RIC1: variants seen among roughly 807,000 people sequenced by gnomAD.
RIC1 encodes the protein guanine nucleotide exchange factor subunit RIC1.
Under a neutral mutation model 169.0 loss-of-function variants are expected in RIC1, and 88 were observed. That is an observed-to-expected ratio of 0.52 (90% confidence interval 0.44 to 0.62). The LOEUF is 0.62. RIC1 is among the 20% of genes least tolerant of loss of function. The pLI is 0.00. For synonymous variants in RIC1, 790 were observed against 601.5 expected, an observed-to-expected ratio of 1.31 and a Z score of -4.59; for missense variants, 1,877 against 1,725.5, an observed-to-expected ratio of 1.09 and a Z score of -1.56.
At chr9:5,702,507 T>G (rs967428404) in intron 3 of RIC1, among the ~76,000 whole-genome samples, 4 of 133,930 alleles carry the variant, frequency 3.0e-5, no homozygotes, top group African/African-American at 1.4e-4. Flanking sequence ...ACTTTTTTTT[T>G]GTTTTGTTTT....
chr9:5,672,633 C>G (rs1030325549), intron 2 of RIC1, among the ~76,000 whole-genome samples: 1 of 151,996 alleles, frequency 6.6e-6, no homozygotes. Context: ...CAAGACAGAA[C>G]AAGTATTAGT....
intron 6 of RIC1, among the ~76,000 whole-genome samples, chr9:5,722,251 A>G (rs1823643692): frequency 6.9e-6 from 1 of 145,256 alleles, no homozygotes; most frequent in Non-Finnish European, 1.5e-5. Context: ...TTAATGGAGG[A>G]AGAGATTTTT....
intron 4 of RIC1, among the ~76,000 whole-genome samples, chr9:5,715,125 G>A (rs1438929913): frequency 1.3e-5 from 2 of 152,164 alleles, no homozygotes. Flanking sequence ...ACAGAAGATT[G>A]AGTTCAAAGT....
chr9:5,729,343 T>C (rs1276236844), intron 6 of RIC1, among the ~76,000 whole-genome samples: 5 of 152,150 alleles, frequency 3.3e-5, no homozygotes, highest in African/African-American at 1.2e-4. Flanking sequence ...GAGGACCTGG[T>C]TGCTTCTTTA....
At chr9:5,649,869 T>C (rs1277526837) in intron 1 of RIC1, among the ~76,000 whole-genome samples, 7 of 152,058 alleles carry the variant, frequency 4.6e-5, no homozygotes, top group Admixed American at 2.0e-4. Flanking sequence ...CTATCCGTGG[T>C]GTTGGTTGGG....
chr9:5,670,185 C>T (rs1011921744), intron 2 of RIC1, among the ~76,000 whole-genome samples: 4 of 152,198 alleles, frequency 2.6e-5, no homozygotes, highest in Admixed American at 2.0e-4. Flanking sequence ...CAGCAGATGT[C>T]TTGTGGGAAA....
At chr9:5,671,531 C>G (rs1481576616) in intron 2 of RIC1, among the ~76,000 whole-genome samples, 1 of 152,186 alleles carries the variant, frequency 6.6e-6, no homozygotes, top group African/African-American at 2.4e-5. Flanking sequence ...CTGCCCCGGC[C>G]TCCCGAAGTG....
intron 6 of RIC1, among the ~76,000 whole-genome samples, chr9:5,722,532 G>A (rs950699233): frequency 6.6e-6 from 1 of 151,956 alleles, no homozygotes; most frequent in Admixed American, 6.6e-5. Context: ...GAAGCCCACT[G>A]TGATATCAGA....
rs1217192457 is a variant in RIC1 at position 5,682,923 on chromosome 9, ATC to A, written c.253-7035_253-7034del. Among the ~76,000 whole-genome samples, 351 of 151,976 alleles carry A rather than the reference ATC, an allele frequency of 2.3e-3. 1 individual carries two copies. The highest frequency in any genetic ancestry group is 9.0e-3 in the South Asian group (43 of 4,804). On this transcript the variant is annotated intron_variant, in intron 2 of 25. Transcript: ENST00000414202. Reference sequence around the variant, plus strand: ...CTTCATTTCATTCATTTCATCTTCCATCGCTGATACCCTTTCTTCCAGTTGAT... The same window carrying A: ...CTTCATTTCATTCATTTCATCTTCCAGCTGATACCCTTTCTTCCAGTTGAT...
chr9:5,714,105 C>G, intron 4 of RIC1, 102 bp downstream of exon 4: 1 of 661,662 alleles, frequency 1.5e-6, no homozygotes, highest in Non-Finnish European at 2.5e-6. Flanking sequence ...TCTTTTAATT[C>G]AAGATAACTT....
rs552394926 is a variant in RIC1, at chr9:5,715,373, T to C, written c.440+1370T>C. Among the ~76,000 whole-genome samples, 75 of 152,304 alleles carry C rather than the reference T, an allele frequency of 4.9e-4. No homozygotes were observed. The Middle Eastern group carries it at 0.01, about 21-fold the overall frequency. ...AAGAAAAAAAAACAATTCTGCCATC[T>C]TGTCCAAGTTTAACCTGTCAGGTGC... On this transcript the variant is annotated intron_variant, in intron 4 of 25. Transcript: ENST00000414202.
intron 3 of RIC1, among the ~76,000 whole-genome samples, chr9:5,701,676 A>G (rs1030392669): frequency 6.6e-6 from 1 of 151,962 alleles, no homozygotes; most frequent in Non-Finnish European, 1.5e-5. Flanking sequence ...CTTACCTTGT[A>G]TAGTTTAACT....
At position 5,763,930 on chromosome 9, in the gene RIC1, A is replaced by G. The variant is rs1315255085; in HGVS notation, c.2841+62A>G. 1 of 1,502,552 alleles carries G rather than the reference A, an allele frequency of 6.7e-7. No homozygotes were observed. Among genetic ancestry groups the G allele is most frequent in the African/African-American group, 1.4e-5 (1 of 71,594 alleles). 93.1% of individuals were successfully genotyped at this position (1,502,552 alleles called of 1,614,324 possible). On this transcript the variant is annotated intron_variant, in intron 19 of 25. Coordinates refer to ENST00000414202, the MANE Select transcript of RIC1 (RefSeq NM_020829.4). This position sits in a 1 kb window ranked among gnomAD's most constrained non-coding sequence, Gnocchi z 5.2. ...TGAGCTTAAACTTAGAAAAATAGAAATGTCCTGTTTTGACACCATGATTGT... is the reference window on the plus strand; with the variant it reads ...TGAGCTTAAACTTAGAAAAATAGAAGTGTCCTGTTTTGACACCATGATTGT...
At chr9:5,629,535 C>G (rs151024735) in intron 1 of RIC1, 82 bp downstream of exon 1, 1,038 of 1,408,360 alleles carry the variant, frequency 7.4e-4, no homozygotes, top group Non-Finnish European at 9.1e-4. Flanking sequence ...CACCCAGAGC[C>G]TAGGACTCCT....
chr9:5,636,837 C>T (rs1817994860), intron 1 of RIC1, among the ~76,000 whole-genome samples: 1 of 152,094 alleles, frequency 6.6e-6, no homozygotes, highest in Admixed American at 6.6e-5. Context: ...AAGTTTTGCA[C>T]TTATGCTTTA....
chr9:5,735,611 A>G lies in RIC1; in HGVS notation c.813-2839A>G, dbSNP rs116249426. Among the ~76,000 whole-genome samples the G allele has an allele frequency of 9.1e-3, 1,382 of 152,340 alleles. 24 individuals carry two copies. The highest frequency in any genetic ancestry group is 0.031 in the African/African-American group (1,283 of 41,560). On this transcript the variant is annotated intron_variant, in intron 7 of 25. Coordinates refer to ENST00000414202, the MANE Select transcript of RIC1 (RefSeq NM_020829.4). ...AAGTTTTGTGATTCTAGCTGTTGAC[A>G]TAACAAACCAGTGTCTGCTAGTCCA...
At chr9:5,636,110 T>C (rs1302195100) in intron 1 of RIC1, among the ~76,000 whole-genome samples, 1 of 152,224 alleles carries the variant, frequency 6.6e-6, no homozygotes, top group Non-Finnish European at 1.5e-5. Context: ...GAAATTCTGA[T>C]AGAGATTGCA....
At chr9:5,717,199 C>T (rs1823298696) in intron 4 of RIC1, among the ~76,000 whole-genome samples, 1 of 152,150 alleles carries the variant, frequency 6.6e-6, no homozygotes, top group African/African-American at 2.4e-5. Context: ...TTTGTTGCAG[C>T]ATCACTGATT....
At chr9:5,695,005 C>T (rs551516864) in intron 3 of RIC1, among the ~76,000 whole-genome samples, 1 of 152,188 alleles carries the variant, frequency 6.6e-6, no homozygotes, top group South Asian at 2.1e-4. Flanking sequence ...TGTTATTCTT[C>T]TAGTAGAGGG....
Sources: gnomAD v4.1 joint callset for allele counts (sites outside exome capture counted in the v4.1 genomes callset) on GRCh38, gnomAD v4.1.1 for gene constraint, Gnocchi (gnomAD v3.1) non-coding constraint, MANE v1.5 for transcripts, NCBI Gene and HGNC (gene_info 2026-07-23, HGNC 2026-07-21) for gene names.